TAFA5: variants seen among roughly 807,000 people sequenced by gnomAD.
TAFA5 encodes chemokine-like protein TAFA-5.
In TAFA5, 6 loss-of-function variants were observed where a neutral mutation model predicts 15.3. The observed-to-expected ratio is 0.39, with a 90% CI of 0.21 to 0.77. TAFA5 has a LOEUF of 0.77. Among genes scored for constraint, TAFA5 ranks in the 30% least tolerant of loss-of-function variants. TAFA5 has a pLI of 0.41. For missense variants in TAFA5, 161 were observed against 193.1 expected (o/e 0.83, Z 0.98); for synonymous variants, 103 against 80.7 (o/e 1.28, Z -1.48).
At position 48,598,276 on chromosome 22, in the gene TAFA5, G is replaced by A. The variant is rs973887975; in HGVS notation, c.113-48321G>A. Among the ~76,000 whole-genome samples the A allele has an allele frequency of 2.6e-5, 4 of 152,128 alleles. No individual in the cohort carries two copies. Among genetic ancestry groups the A allele is most frequent in the East Asian group, 1.9e-4 (1 of 5,188 alleles). On this transcript the variant is annotated intron_variant, in intron 1 of 3. Coordinates refer to ENST00000402357, the MANE Select transcript of TAFA5 (RefSeq NM_001082967.3). The surrounding 1 kb of genome is among the most constrained non-coding windows in gnomAD (Gnocchi z 4.0). The stretch of plus-strand genomic sequence containing the variant: ...TTTATTCAAAATCACCGATTCAGGC[G>A]TTACTCTCATCCAAAACACTCCTTC...
At chr22:48,507,784 C>T (rs1921053208) in intron 1 of TAFA5, among the ~76,000 whole-genome samples, 1 of 152,098 alleles carries the variant, frequency 6.6e-6, no homozygotes, top group Non-Finnish European at 1.5e-5. Flanking sequence ...GTGAGGAGCC[C>T]CTGCCTGGGA....
chr22:48,601,890 CCA>C (rs1924986502), intron 1 of TAFA5, among the ~76,000 whole-genome samples: 1 of 152,232 alleles, frequency 6.6e-6, no homozygotes, highest in African/African-American at 2.4e-5. Context: ...CCTCGTTCCT[CCA>C]CACAGTCGCA....
intron 1 of TAFA5, among the ~76,000 whole-genome samples, chr22:48,578,644 G>A (rs368401447): frequency 6.6e-6 from 1 of 152,214 alleles, no homozygotes; most frequent in African/African-American, 2.4e-5. Context: ...GAGCGATTGC[G>A]GGTCCCAGTG....
chr22:48,663,500 G>T (rs1407894417), intron 2 of TAFA5, among the ~76,000 whole-genome samples: 2 of 152,180 alleles, frequency 1.3e-5, no homozygotes, highest in African/African-American at 4.8e-5. Flanking sequence ...AGCTGACTCT[G>T]TCTCTATCAC....
chr22:48,533,081 G>A (rs938190986), intron 1 of TAFA5, among the ~76,000 whole-genome samples: 4 of 152,178 alleles, frequency 2.6e-5, no homozygotes, highest in Non-Finnish European at 5.9e-5. Context: ...AGGTTCCCCT[G>A]TGCAGTGTCC....
rs563322837 is a variant in TAFA5, at chr22:48,555,169, C to T, written c.112+65465C>T. On this transcript the variant is annotated intron_variant, in intron 1 of 3. Coordinates refer to ENST00000402357, the MANE Select transcript of TAFA5 (RefSeq NM_001082967.3). ...CCCAGGGCCTGGCACACAGGGGCTCCGTGGATGCCGAGTGAAGGGAGGGAG... is the reference window on the plus strand; with the variant it reads ...CCCAGGGCCTGGCACACAGGGGCTCTGTGGATGCCGAGTGAAGGGAGGGAG... Among the ~76,000 whole-genome samples, 413 of 152,284 alleles carry T rather than the reference C, an allele frequency of 2.7e-3. 2 individuals carry two copies. The highest frequency in any genetic ancestry group is 9.2e-3 in the African/African-American group (383 of 41,550).
Position 48,552,476 on chromosome 22 carries a change from T to C in TAFA5, c.112+62772T>C, listed in dbSNP as rs531737151. ...AGCCCTTATGAGCGTGTACATCCTC[T>C]CTCGGGGTCCTGCAGGCCACGAGGT... On this transcript the variant is annotated intron_variant, in intron 1 of 3. Coordinates refer to ENST00000402357, the MANE Select transcript of TAFA5 (RefSeq NM_001082967.3). This position sits in a 1 kb window ranked among gnomAD's most constrained non-coding sequence, Gnocchi z 4.1. Among the ~76,000 whole-genome samples, 4 of 152,190 alleles carry C rather than the reference T, an allele frequency of 2.6e-5. No individual in the cohort carries two copies. In the East Asian group the frequency reaches 7.8e-4, roughly 30 times the overall value.
rs1930491568 is a variant in TAFA5, at chr22:48,751,433, A to G, written c.*1586A>G. On this transcript the variant is annotated 3_prime_UTR_variant, in exon 4 of 4. Transcript: ENST00000402357. ...CATTTTCCTGAGTTCCCGCTGAAGT[A>G]TATACTACCTATGAGTCCAATTAAC... 2 of 152,482 alleles carry G rather than the reference A, an allele frequency of 1.3e-5. No individual in the cohort carries two copies. Among genetic ancestry groups the G allele is most frequent in the South Asian group, 2.1e-4 (1 of 4,830 alleles). 9.4% of individuals were successfully genotyped at this position (152,482 alleles called of 1,614,324 possible).
chr22:48,574,647 A>G (rs1240039872), intron 1 of TAFA5, among the ~76,000 whole-genome samples: 1 of 152,108 alleles, frequency 6.6e-6, no homozygotes, highest in Non-Finnish European at 1.5e-5. Context: ...AGGTCAGGAG[A>G]GAGGTTCAGG....
chr22:48,656,062 T>G (rs551541234), intron 2 of TAFA5, among the ~76,000 whole-genome samples: 2 of 151,640 alleles, frequency 1.3e-5, no homozygotes, highest in Non-Finnish European at 2.9e-5. Context: ...CAGGCTGGTG[T>G]TGAACTCCTG....
intron 1 of TAFA5, among the ~76,000 whole-genome samples, chr22:48,519,001 C>T (rs11703577): frequency 6.6e-6 from 1 of 152,092 alleles, no homozygotes; most frequent in South Asian, 2.1e-4. Flanking sequence ...GGGCTCACGT[C>T]TGCAGTGCAG....
chr22:48,607,281 GGAGCAGA>G, intron 1 of TAFA5, among the ~76,000 whole-genome samples: 1 of 132,874 alleles, frequency 7.5e-6, no homozygotes, highest in Non-Finnish European at 1.6e-5. Context: ...ACCTCAGCCT[GGAGCAGA>G]TCTGTCCTGG....
intron 2 of TAFA5, among the ~76,000 whole-genome samples, chr22:48,694,772 CCTCCTCCCCCACCCCCCACCGCTCCA>C (rs1464216783): frequency 6.9e-6 from 1 of 144,238 alleles, no homozygotes; most frequent in African/African-American, 2.6e-5. Context: ...ACCGCTCAGA[CCTCCTCCCCCACCCCCCACCGCTCCA>C]GACCTCCGCC....
intron 1 of TAFA5, among the ~76,000 whole-genome samples, chr22:48,629,898 C>T (rs5772008): frequency 0.17 from 25,146 of 152,168 alleles, 2,577 homozygotes; most frequent in East Asian, 0.4. Flanking sequence ...CAGAGGAGTG[C>T]GGGCACCTGG....
chr22:48,633,009 CT>C (rs1926288704), intron 1 of TAFA5, among the ~76,000 whole-genome samples: 2 of 152,210 alleles, frequency 1.3e-5, no homozygotes, highest in Non-Finnish European at 2.9e-5. Context: ...GTCCTGGCCC[CT>C]GGCGCCCTGT....
chr22:48,573,326 T>G (rs1923651894), intron 1 of TAFA5, among the ~76,000 whole-genome samples: 2 of 152,216 alleles, frequency 1.3e-5, no homozygotes. Flanking sequence ...CTGGCTTGCT[T>G]AGATTTTGAT....
chr22:48,594,440 C>T (rs1924687639), intron 1 of TAFA5, among the ~76,000 whole-genome samples: 1 of 152,246 alleles, frequency 6.6e-6, no homozygotes, highest in African/African-American at 2.4e-5. Context: ...CAGGCAGCCT[C>T]TGAGGGCTAC....
In TAFA5 at chr22:48,489,776, C is replaced by G. The variant is rs1928076395; in HGVS notation, c.112+72C>G. On this transcript the variant is annotated intron_variant, in intron 1 of 3. Coordinates refer to ENST00000402357, the MANE Select transcript of TAFA5 (RefSeq NM_001082967.3). The surrounding 1 kb of genome is among the most constrained non-coding windows in gnomAD (Gnocchi z 5.5). The stretch of plus-strand genomic sequence containing the variant: ...GACCCCCTCCTCCGGCCCCGGCAGG[C>G]GCCCCGCGGGCCTCCCGGAGTCGGC... 1.0e-6 allele frequency: 1 copy of G among 984,952 alleles called. No individual in the cohort carries two copies. The allele number at this position is 984,952 out of a possible 1,614,324, so 61.0% of individuals were successfully genotyped here. A position where few individuals can be genotyped will look rare whatever the true frequency, so the allele number is the denominator to read the frequency against.
chr22:48,506,036 T>C (rs552275985), intron 1 of TAFA5, among the ~76,000 whole-genome samples: 17 of 152,248 alleles, frequency 1.1e-4, no homozygotes, highest in African/African-American at 3.8e-4. Flanking sequence ...TAACCCTTTC[T>C]TGGGAGCAGG....
Sources: allele counts gnomAD v4.1 joint callset (sites outside exome capture counted in the v4.1 genomes callset), GRCh38; gene constraint gnomAD v4.1.1; non-coding constraint Gnocchi (gnomAD v3.1); transcripts MANE v1.5; gene names NCBI Gene and HGNC (gene_info 2026-07-23, HGNC 2026-07-21).